MACROD2: variants seen among roughly 807,000 people sequenced by gnomAD.
MACROD2 encodes the protein mono-ADP ribosylhydrolase 2.
Under a neutral mutation model 70.4 loss-of-function variants are expected in MACROD2, and 36 were observed. The ratio of observed to expected loss-of-function variants is 0.51; its 90% CI spans 0.39 to 0.68. MACROD2 has a LOEUF of 0.68. MACROD2 is among the 30% of genes least tolerant of loss of function. MACROD2 has a pLI of 0.00. For synonymous variants in MACROD2, 172 were observed against 178.8 expected (o/e 0.96, Z 0.30); for missense variants, 496 against 538.4 (o/e 0.92, Z 0.78).
At chr20:14,364,048 G>GT (rs1027937397) in intron 3 of MACROD2, among the ~76,000 whole-genome samples, 1 of 151,908 alleles carries the variant, frequency 6.6e-6, no homozygotes, top group Non-Finnish European at 1.5e-5. Context: ...GGGTATTAGT[G>GT]TTTTTTAAAA....
intron 8 of MACROD2, among the ~76,000 whole-genome samples, chr20:15,684,747 T>G (rs1011824516): frequency 6.6e-6 from 1 of 152,210 alleles, no homozygotes; most frequent in African/African-American, 2.4e-5. Flanking sequence ...AGATATAGTA[T>G]GCACTTGAAA....
chr20:15,601,632 G>A (rs1347551496), intron 8 of MACROD2, among the ~76,000 whole-genome samples: 2 of 152,080 alleles, frequency 1.3e-5, no homozygotes, highest in Admixed American at 1.3e-4. Context: ...GCTCTGACTC[G>A]CCAGGTATCA....
In MACROD2 at chr20:14,739,299, A is replaced by G. The variant is rs1315873948; in HGVS notation, c.418+54340A>G. 2.0e-5 allele frequency among the ~76,000 whole-genome samples: 3 copies of G among 152,050 alleles called. 1 individual carries two copies. Among genetic ancestry groups the G allele is most frequent in the Admixed American group, 2.0e-4 (3 of 15,276 alleles). ...CTGATCTAGAAATAACTGTATATTA[A>G]GTGGAGAAAGCAAAATATGTATGAT... On this transcript the variant is annotated intron_variant, in intron 5 of 17. Transcript: ENST00000684519.
chr20:15,672,893 C>A (rs950021611), intron 8 of MACROD2, among the ~76,000 whole-genome samples: 3 of 152,104 alleles, frequency 2.0e-5, no homozygotes, highest in Non-Finnish European at 4.4e-5. Flanking sequence ...CTTTGCCATG[C>A]TGTTCTTGTG....
chr20:15,017,389 C>A (rs970440223), intron 5 of MACROD2, among the ~76,000 whole-genome samples: 5 of 152,210 alleles, frequency 3.3e-5, no homozygotes, highest in African/African-American at 1.2e-4. Context: ...GGCAGCTCCA[C>A]CCCTGTGGCT....
intron 5 of MACROD2, among the ~76,000 whole-genome samples, chr20:14,854,166 C>G (rs1169133294): frequency 6.6e-6 from 1 of 152,140 alleles, no homozygotes; most frequent in Admixed American, 6.5e-5. Flanking sequence ...ATGTCGATAG[C>G]TTTCTAGCAC....
At chr20:15,336,360 T>C (rs2078047931) in intron 6 of MACROD2, among the ~76,000 whole-genome samples, 1 of 146,846 alleles carries the variant, frequency 6.8e-6, no homozygotes, top group African/African-American at 2.6e-5. Context: ...CTAGAATTAA[T>C]TGTGTGTTTT....
chr20:14,802,346 C>G (rs2072586719), intron 5 of MACROD2, among the ~76,000 whole-genome samples: 6 of 151,978 alleles, frequency 3.9e-5, no homozygotes, highest in Admixed American at 2.6e-4. Flanking sequence ...TTGAGTTTTT[C>G]TTTTATGGCT....
chr20:14,998,356 T>A (rs1257394002), intron 5 of MACROD2, among the ~76,000 whole-genome samples: 1 of 152,074 alleles, frequency 6.6e-6, no homozygotes, highest in Non-Finnish European at 1.5e-5. Context: ...TTGAAGAAGC[T>A]CAGTGAAATT....
intron 8 of MACROD2, among the ~76,000 whole-genome samples, chr20:15,627,946 C>T (rs113618969): frequency 6.6e-5 from 10 of 152,288 alleles, no homozygotes; most frequent in Non-Finnish European, 1.5e-4. Context: ...GTAATTTTCT[C>T]ACTGTTATAA....
At chr20:14,293,800 C>A (rs2122460190) in intron 3 of MACROD2, among the ~76,000 whole-genome samples, 1 of 151,842 alleles carries the variant, frequency 6.6e-6, no homozygotes, top group East Asian at 1.9e-4. Context: ...AGTCTTTGAC[C>A]CTTCCCAAAG....
At chr20:15,362,914 G>A (rs1216485355) in intron 6 of MACROD2, among the ~76,000 whole-genome samples, 5 of 150,934 alleles carry the variant, frequency 3.3e-5, no homozygotes, top group African/African-American at 7.3e-5. Context: ...GAGAAGAAAG[G>A]AAAGGAAATG....
chr20:15,531,886 T>C (rs1203329646), intron 8 of MACROD2, among the ~76,000 whole-genome samples: 1 of 152,162 alleles, frequency 6.6e-6, no homozygotes, highest in Non-Finnish European at 1.5e-5. Flanking sequence ...GTTGTCTTTG[T>C]GGTTGGTTGG....
intron 3 of MACROD2, among the ~76,000 whole-genome samples, chr20:14,363,444 T>G (rs1431703056): frequency 6.6e-6 from 1 of 152,194 alleles, no homozygotes; most frequent in Non-Finnish European, 1.5e-5. Context: ...TTATCAGTTA[T>G]GAAGATGAAA....
At chr20:15,346,789 T>G (rs1185112106) in intron 6 of MACROD2, among the ~76,000 whole-genome samples, 1 of 152,224 alleles carries the variant, frequency 6.6e-6, no homozygotes, top group Non-Finnish European at 1.5e-5. Flanking sequence ...TTACGATGAC[T>G]GTCCTAAGCT....
intron 6 of MACROD2, among the ~76,000 whole-genome samples, chr20:15,277,819 G>T (rs934695778): frequency 1.4e-4 from 21 of 152,152 alleles, no homozygotes; most frequent in African/African-American, 5.1e-4. Flanking sequence ...AGGGAGAGAG[G>T]GAGGAGAAAA....
chr20:15,945,717 T>C (rs1041842017), intron 12 of MACROD2, among the ~76,000 whole-genome samples: 2 of 152,332 alleles, frequency 1.3e-5, no homozygotes, highest in Non-Finnish European at 1.5e-5. Context: ...ATCAGTGTTA[T>C]TATCCCAATT....
intron 4 of MACROD2, among the ~76,000 whole-genome samples, chr20:14,646,977 A>G (rs1985428264): frequency 6.6e-6 from 1 of 152,084 alleles, no homozygotes; most frequent in Non-Finnish European, 1.5e-5. Context: ...GTGTTTCCAC[A>G]CATCTGAATA....
At chr20:16,013,193 C>T (rs2066886183) in intron 15 of MACROD2, among the ~76,000 whole-genome samples, 1 of 151,794 alleles carries the variant, frequency 6.6e-6, no homozygotes, top group Non-Finnish European at 1.5e-5. Flanking sequence ...AAAAAGAGAG[C>T]TAGAAAGTTA....
Sources: gnomAD v4.1 joint callset for allele counts (sites outside exome capture counted in the v4.1 genomes callset) on GRCh38, gnomAD v4.1.1 for gene constraint, MANE v1.5 for transcripts, NCBI Gene and HGNC (gene_info 2026-07-23, HGNC 2026-07-21) for gene names.